The following TRIM41 variants were observed in gnomAD, a reference collection of about 807,000 sequenced individuals.
The protein encoded by TRIM41 is tripartite motif containing 41.
A neutral mutation model predicts 60.6 loss-of-function variants in TRIM41; 21 were observed. The observed-to-expected ratio is 0.35, with a 90% CI of 0.25 to 0.50. TRIM41 has a LOEUF of 0.50. Ranked by LOEUF, TRIM41 falls within the 20% of genes least tolerant of loss-of-function variation. The pLI is 0.98. For synonymous variants in TRIM41, 407 were observed against 344.9 expected (o/e 1.18, Z -2.00); for missense variants, 846 against 868.3 (o/e 0.97, Z 0.32).
chr5:181,234,800 C>T lies in TRIM41; in HGVS notation c.*25C>T. On this transcript the variant is annotated 3_prime_UTR_variant, in exon 6 of 6. Transcript: ENST00000315073. The surrounding 1 kb of genome is among the most constrained non-coding windows in gnomAD (Gnocchi z 5.6). Reference sequence around the variant, plus strand: ...ATTATCCTGCCACCCGCAGGGGCCCCTCTGTCAGCACTTGGGGGGTGGGTG... The same window carrying T: ...ATTATCCTGCCACCCGCAGGGGCCCTTCTGTCAGCACTTGGGGGGTGGGTG... The T allele has an allele frequency of 6.2e-7, 1 of 1,606,030 alleles. No homozygotes were observed. The highest frequency in any genetic ancestry group is 1.7e-5 in the Admixed American group (1 of 59,052).
chr5:181,224,432 C>G lies in TRIM41; in HGVS notation c.433C>G (p.Leu145Val). The G allele has an allele frequency of 3.1e-6, 5 of 1,611,904 alleles. No individual in the cohort carries two copies. Among genetic ancestry groups the G allele is most frequent in the Non-Finnish European group, 4.2e-6 (5 of 1,179,176 alleles). ...YYLGDMEEED[L>V]RGEDEEDEEE... is the part of the protein sequence containing the mutation. ...CTTGGGGGACATGGAGGAGGAGGAC[C>G]TGAGGGGGGAGGATGAGGAGGACGA... is the stretch of plus-strand genomic sequence containing the variant. The change falls in exon 1 of 6, where the codon CTG (leucine) becomes GTG (valine). Residue 145 changes from leucine (L) to valine (V), a missense_variant. By Grantham distance (32) the Leu-to-Val change is conservative (BLOSUM62 1). Transcript: ENST00000315073.
At chr5:181,227,643 C>G (rs1163164160) in intron 1 of TRIM41, 1 of 151,676 alleles carries the variant, frequency 6.6e-6, no homozygotes, top group Non-Finnish European at 1.5e-5. Context: ...AGCACCGCGC[C>G]CAGCCACAAG....
At chr5:181,231,297 T>C (rs1758786845) in intron 2 of TRIM41, 1 of 173,178 alleles carries the variant, frequency 5.8e-6, no homozygotes, top group East Asian at 1.6e-4. Flanking sequence ...ATTTAGTGTA[T>C]GTTAGCACTG....
intron 1 of TRIM41, chr5:181,229,044 C>T (rs903143006): frequency 1.3e-5 from 2 of 151,110 alleles, no homozygotes; most frequent in South Asian, 2.1e-4. Flanking sequence ...ATCAGAAGGC[C>T]AAATTTTGTG....
chr5:181,228,282 G>A (rs1758637427), intron 1 of TRIM41: 1 of 151,978 alleles, frequency 6.6e-6, no homozygotes, highest in Non-Finnish European at 1.5e-5. Flanking sequence ...ATAACTGGCT[G>A]GCTGTGGTGG....
chr5:181,235,069 C>T lies in TRIM41; in HGVS notation c.*294C>T. Reference sequence around the variant, plus strand: ...CAGTCTGCCTAGCCCAGCCCTGGGACTGGAATTTGAGTAGGGGATGAGGGG... The same window carrying T: ...CAGTCTGCCTAGCCCAGCCCTGGGATTGGAATTTGAGTAGGGGATGAGGGG... On this transcript the variant is annotated 3_prime_UTR_variant, in exon 6 of 6. Coordinates refer to ENST00000315073, the MANE Select transcript of TRIM41 (RefSeq NM_033549.5). 1 of 1,611,576 alleles carries T rather than the reference C, an allele frequency of 6.2e-7. No homozygotes were observed. The highest frequency in any genetic ancestry group is 8.5e-7 in the Non-Finnish European group (1 of 1,179,286).
chr5:181,223,587 AAG>A lies in TRIM41; in HGVS notation c.-412_-411del. On this transcript the variant is annotated 5_prime_UTR_variant, in exon 1 of 6. Transcript: ENST00000315073. ...GTCGCCCTGGGGCCCCGCGGGGAAA[AAG>A]GGGGAGTAGCAGGACAGCGGAGGGA... The A allele has an allele frequency of 2.3e-6, 1 of 444,264 alleles. No individual in the cohort carries two copies. The highest frequency in any genetic ancestry group is 3.2e-5 in the East Asian group (1 of 31,356). The allele number at this position is 444,264 out of a possible 1,614,324, so 27.5% of individuals were successfully genotyped here.
At chr5:181,229,734 C>G (rs2770957) in intron 1 of TRIM41, 63,132 of 152,014 alleles carry the variant, frequency 0.42, 18,581 homozygotes, top group African/African-American at 0.84. Flanking sequence ...GCCCTGGGAA[C>G]TCATGTATTA....
At position 181,232,895 on chromosome 5, in the gene TRIM41, C is replaced by T; in HGVS notation, c.1140+6C>T. ...GGGGTCTCCGGCTGCTCCAGGTGAG[C>T]AATGTCCCCTCCCTGTTCCCCCAGC... On this transcript the variant is annotated splice_donor_region_variant and intron_variant, in intron 3 of 5. Coordinates refer to ENST00000315073, the MANE Select transcript of TRIM41 (RefSeq NM_033549.5). The T allele has an allele frequency of 6.5e-7, 1 of 1,538,154 alleles. No individual in the cohort carries two copies. Among genetic ancestry groups the T allele is most frequent in the Non-Finnish European group, 8.7e-7 (1 of 1,146,452 alleles).
chr5:181,224,945 A>G (rs920524209), intron 1 of TRIM41, 133 bp downstream of exon 1: 28 of 1,161,798 alleles, frequency 2.4e-5, no homozygotes, highest in Non-Finnish European at 1.5e-5. Context: ...TTGCTTATCT[A>G]AGCACTTACT....
chr5:181,232,292 T>G (rs996969278), intron 2 of TRIM41: 1 of 233,150 alleles, frequency 4.3e-6, no homozygotes, highest in Non-Finnish European at 8.4e-6. Flanking sequence ...ACACAACGTT[T>G]CAATATTATA....
Position 181,223,548 on chromosome 5 carries a change from C to T in TRIM41, c.-452C>T, listed in dbSNP as rs1293980214. The stretch of plus-strand genomic sequence containing the variant: ...TTCTCTAGTGCGGACTAGAGCGTCT[C>T]CTCGCCATTTCCTGTCGCCCTGGGG... On this transcript the variant is annotated 5_prime_UTR_variant, in exon 1 of 6. Transcript: ENST00000315073. 1 of 447,682 alleles carries T rather than the reference C, an allele frequency of 2.2e-6. No homozygotes were observed. The highest frequency in any genetic ancestry group is 3.9e-6 in the Non-Finnish European group (1 of 254,024). 27.7% of individuals were successfully genotyped at this position (447,682 alleles called of 1,614,324 possible).
In TRIM41 at chr5:181,230,496, CAAAAAAAA is replaced by C. The variant is rs60815823; in HGVS notation, c.814-225_814-218del. 78 of 43,718 alleles carry C rather than the reference CAAAAAAAA, an allele frequency of 1.8e-3. No individual in the cohort carries two copies. In the East Asian group the frequency reaches 0.021, roughly 12 times the overall value. The allele number at this position is 43,718 out of a possible 1,614,324, so 2.7% of individuals were successfully genotyped here. On this transcript the variant is annotated intron_variant, in intron 1 of 5. Transcript: ENST00000315073. ...TGAGCGACAGAGCGAGACTCTGTCT[CAAAAAAAA>C]AAAAAAAAAAAAAAAAAAAAAATAC...
chr5:181,231,236 G>C, intron 2 of TRIM41: 1 of 234,234 alleles, frequency 4.3e-6, no homozygotes, highest in Admixed American at 4.9e-5. Flanking sequence ...CACTGTCCTG[G>C]GACACTTGCT....
At position 181,234,896 on chromosome 5, in the gene TRIM41, TC is replaced by T; in HGVS notation, c.*126del. On this transcript the variant is annotated 3_prime_UTR_variant, in exon 6 of 6. Transcript: ENST00000315073. This position sits in a 1 kb window ranked among gnomAD's most constrained non-coding sequence, Gnocchi z 5.6. ...TGCTTGTTACTGTGTTGCTTCCCAC[TC>T]CCCCTTGACCCCAGGCCCCTGCTTC... The T allele has an allele frequency of 1.9e-6, 3 of 1,611,914 alleles. No individual in the cohort carries two copies. The highest frequency in any genetic ancestry group is 1.1e-5 in the South Asian group (1 of 91,022).
intron 2 of TRIM41, 65 bp downstream of exon 2, chr5:181,230,904 C>G: frequency 7.0e-7 from 1 of 1,427,520 alleles, no homozygotes; most frequent in South Asian, 1.1e-5. Flanking sequence ...TAGGGCTTCC[C>G]ACTCTCACAG....
At position 181,233,361 on chromosome 5, in the gene TRIM41, A is replaced by G. The variant is rs752814233; in HGVS notation, c.1141-52A>G. The G allele has an allele frequency of 3.1e-5, 49 of 1,557,414 alleles. No homozygotes were observed. Among genetic ancestry groups the G allele is most frequent in the Non-Finnish European group, 4.2e-5 (47 of 1,130,420 alleles). ...GGAACGCTGTCCCTGTGCAGCTGAC[A>G]CTCTCTTTATCTCTTTCTCCCTCTC... On this transcript the variant is annotated intron_variant, in intron 3 of 5. Transcript: ENST00000315073. This position sits in a 1 kb window ranked among gnomAD's most constrained non-coding sequence, Gnocchi z 4.1.
In TRIM41 at chr5:181,233,060, T is replaced by C; in HGVS notation, c.1140+171T>C. On this transcript the variant is annotated intron_variant, in intron 3 of 5. Transcript: ENST00000315073. This position sits in a 1 kb window ranked among gnomAD's most constrained non-coding sequence, Gnocchi z 4.1. Reference sequence around the variant, plus strand: ...CTGGAAACAGAGTTAATGTCGAATGTGGTATGTGTGGCGATTATACCCAGT... The same window carrying C: ...CTGGAAACAGAGTTAATGTCGAATGCGGTATGTGTGGCGATTATACCCAGT... 1 of 768,440 alleles carries C rather than the reference T, an allele frequency of 1.3e-6. No individual in the cohort carries two copies. Among genetic ancestry groups the C allele is most frequent in the Non-Finnish European group, 2.2e-6 (1 of 445,700 alleles). 47.6% of individuals were successfully genotyped at this position (768,440 alleles called of 1,614,324 possible).
chr5:181,234,964 G>A lies in TRIM41; in HGVS notation c.*189G>A. 6.2e-7 allele frequency: 1 copy of A among 1,614,012 alleles called. No homozygotes were observed. Among genetic ancestry groups the A allele is most frequent in the South Asian group, 1.1e-5 (1 of 91,078 alleles). On this transcript the variant is annotated 3_prime_UTR_variant, in exon 6 of 6. Coordinates refer to ENST00000315073, the MANE Select transcript of TRIM41 (RefSeq NM_033549.5). The surrounding 1 kb of genome is among the most constrained non-coding windows in gnomAD (Gnocchi z 5.6). Reference sequence around the variant, plus strand: ...AAGAACCCTCCTGGCCTCCAGCTCAGCCTTCTCTCACCTACTATGTCTGTC... The same window carrying A: ...AAGAACCCTCCTGGCCTCCAGCTCAACCTTCTCTCACCTACTATGTCTGTC...
Sources: gnomAD v4.1 joint callset for allele counts on GRCh38, gnomAD v4.1.1 for gene constraint, Gnocchi (gnomAD v3.1) non-coding constraint, MANE v1.5 for transcripts, NCBI Gene and HGNC (gene_info 2026-07-23, HGNC 2026-07-21) for gene names.